Variants in DISC1 observed in about 807,000 individuals in gnomAD.
DISC1 encodes DISC1 scaffold protein.
Under a neutral mutation model 84.5 loss-of-function variants are expected in DISC1, and 57 were observed. The ratio of observed to expected loss-of-function variants is 0.67; its 90% confidence interval spans 0.55 to 0.84. The LOEUF (loss-of-function observed/expected upper bound fraction) is 0.84. Ranked by LOEUF, DISC1 falls within the 40% of genes least tolerant of loss-of-function variation. DISC1 has a pLI of 0.00. For missense variants in DISC1, 1,000 were observed against 1,057.8 expected (o/e 0.95, Z 0.76); for synonymous variants, 411 against 415.2 (o/e 0.99, Z 0.12).
intron 6 of DISC1, among the ~76,000 whole-genome samples, chr1:231,789,218 G>C (rs1250650035): frequency 6.6e-6 from 1 of 152,178 alleles, no homozygotes; most frequent in Non-Finnish European, 1.5e-5. Context: ...GCAGGTGGGA[G>C]GGGGTTGGCC....
intron 8 of DISC1, among the ~76,000 whole-genome samples, chr1:231,807,079 C>T (rs2079795430): frequency 6.6e-6 from 1 of 152,244 alleles, no homozygotes; most frequent in Non-Finnish European, 1.5e-5. Context: ...TGGGGGCCCT[C>T]AACCCTCCTC....
intron 9 of DISC1, among the ~76,000 whole-genome samples, chr1:231,918,155 G>A (rs180957765): frequency 6.7e-4 from 102 of 152,318 alleles, no homozygotes; most frequent in African/African-American, 2.4e-3. Flanking sequence ...AGGTTGTGCC[G>A]GCTCTTCGTC....
At position 231,722,800 on chromosome 1, in the gene DISC1, G is replaced by GA. The variant is rs1051869855; in HGVS notation, c.1117+20783dup. The GA allele has an allele frequency of 2.3e-5, 34 of 1,448,848 alleles. No homozygotes were observed. In the Admixed American group the frequency reaches 8.0e-4, roughly 34 times the overall value. 89.7% of individuals were successfully genotyped at this position (1,448,848 alleles called of 1,614,324 possible). ...CTGTCTGGATGCTGGCCATGGGCTT[G>GA]AAAAAAACCAGGTGGGCATTTCTGC... On this transcript the variant is annotated intron_variant, in intron 3 of 12. Coordinates refer to ENST00000439617, the MANE Select transcript of DISC1 (RefSeq NM_018662.3).
chr1:231,993,519 A>G (rs1665508270), intron 10 of DISC1, among the ~76,000 whole-genome samples: 1 of 152,184 alleles, frequency 6.6e-6, no homozygotes, highest in Non-Finnish European at 1.5e-5. Context: ...TTCTCAGTTT[A>G]TAATCTGTAA....
intron 9 of DISC1, among the ~76,000 whole-genome samples, chr1:231,908,361 A>G (rs2088894448): frequency 1.3e-5 from 2 of 152,206 alleles, no homozygotes; most frequent in African/African-American, 4.8e-5. Flanking sequence ...TATAAGGTGT[A>G]AGGAAAGGAT....
At chr1:231,910,275 A>C (rs1322659584) in intron 9 of DISC1, among the ~76,000 whole-genome samples, 1 of 152,116 alleles carries the variant, frequency 6.6e-6, no homozygotes, top group Non-Finnish European at 1.5e-5. Context: ...TTACGGTGTC[A>C]ATTTTAGAGC....
chr1:232,027,569 G>A lies in DISC1; in HGVS notation c.2425+1017G>A, dbSNP rs140819002. Among the ~76,000 whole-genome samples the A allele has an allele frequency of 1.9e-3, 291 of 152,194 alleles. 2 individuals carry two copies. Among genetic ancestry groups the A allele is most frequent in the African/African-American group, 6.6e-3 (272 of 41,524 alleles). On this transcript the variant is annotated intron_variant, in intron 12 of 12. Transcript: ENST00000439617. Reference sequence around the variant, plus strand: ...TGGTTAGTTCTGCTGAGAGCAAATGGGTGGGTACCCAGTGGATGAAGGGAT... The same window carrying A: ...TGGTTAGTTCTGCTGAGAGCAAATGAGTGGGTACCCAGTGGATGAAGGGAT...
At chr1:231,955,491 T>C (rs866866784) in intron 9 of DISC1, among the ~76,000 whole-genome samples, 1 of 151,204 alleles carries the variant, frequency 6.6e-6, no homozygotes, top group Non-Finnish European at 1.5e-5. Context: ...CTTGACTTTT[T>C]TTTTTTTTTT....
rs141482042 is a variant in DISC1 at position 231,861,289 on chromosome 1, A to ATTATTTATTTAT, written c.1981+42779_1981+42790dup. ...AAAAGCCTTTTCTGTCATTGTTTTT[A>ATTATTTATTTAT]TTATTTATTTATTTATTTTTATTAG... is the stretch of plus-strand genomic sequence containing the variant. On this transcript the variant is annotated intron_variant, in intron 9 of 12. Coordinates refer to ENST00000439617, the MANE Select transcript of DISC1 (RefSeq NM_018662.3). Among the ~76,000 whole-genome samples the ATTATTTATTTAT allele has an allele frequency of 9.6e-3, 1,457 of 151,370 alleles. 26 individuals carry two copies. The highest frequency in any genetic ancestry group is 0.034 in the African/African-American group (1,384 of 41,080).
At chr1:231,839,975 C>T (rs941342760) in intron 9 of DISC1, among the ~76,000 whole-genome samples, 7 of 152,316 alleles carry the variant, frequency 4.6e-5, no homozygotes, top group African/African-American at 1.7e-4. Context: ...CCACCTCCAA[C>T]ATTGAGGAAT....
Position 231,826,278 on chromosome 1 carries a change from A to G in DISC1, c.1981+7761A>G, listed in dbSNP as rs1294354522. Among the ~76,000 whole-genome samples the G allele has an allele frequency of 6.6e-6, 1 of 152,272 alleles. No individual in the cohort carries two copies. The highest frequency in any genetic ancestry group is 2.4e-5 in the African/African-American group (1 of 41,570). On this transcript the variant is annotated intron_variant, in intron 9 of 12. Coordinates refer to ENST00000439617, the MANE Select transcript of DISC1 (RefSeq NM_018662.3). This position sits in a 1 kb window ranked among gnomAD's most constrained non-coding sequence, Gnocchi z 4.2. ...GCCATTTTACCTTTGACGTTGCTTT[A>G]TGTTCTTTATGAATTTGATTCCTAA...
intron 8 of DISC1, among the ~76,000 whole-genome samples, chr1:231,815,845 A>G (rs1009933215): frequency 6.6e-6 from 1 of 151,982 alleles, no homozygotes; most frequent in Admixed American, 6.6e-5. Context: ...TAGCTATAGT[A>G]TTATTTTTGC....
chr1:231,873,380 G>A (rs1244197544), intron 9 of DISC1, among the ~76,000 whole-genome samples: 1 of 152,224 alleles, frequency 6.6e-6, no homozygotes, highest in Non-Finnish European at 1.5e-5. Context: ...CAGCCTGATA[G>A]CAGTCAAAAG....
intron 3 of DISC1, among the ~76,000 whole-genome samples, chr1:231,745,734 C>T (rs1343419003): frequency 6.6e-6 from 1 of 152,194 alleles, no homozygotes; most frequent in Non-Finnish European, 1.5e-5. Context: ...TATCCTCTAT[C>T]CTACCTCTTA....
At chr1:231,764,073 T>C (rs182709146) in intron 4 of DISC1, among the ~76,000 whole-genome samples, 174 of 152,298 alleles carry the variant, frequency 1.1e-3, no homozygotes, top group African/African-American at 4.1e-3. Flanking sequence ...CTGAAATAAG[T>C]ACAAAGGTGG....
At chr1:231,917,670 C>T (rs913560138) in intron 9 of DISC1, among the ~76,000 whole-genome samples, 5 of 152,096 alleles carry the variant, frequency 3.3e-5, no homozygotes, top group African/African-American at 9.7e-5. Context: ...AGGAAGCCAG[C>T]GATGGGGCAG....
chr1:231,874,028 G>T (rs4385692), intron 9 of DISC1, among the ~76,000 whole-genome samples: 1 of 149,132 alleles, frequency 6.7e-6, no homozygotes. Flanking sequence ...TTTTATTTTT[G>T]GTAGAGATGG....
intron 9 of DISC1, among the ~76,000 whole-genome samples, chr1:231,870,181 C>T (rs1342001293): frequency 6.6e-6 from 1 of 152,068 alleles, no homozygotes; most frequent in Non-Finnish European, 1.5e-5. Context: ...AGGGGAAGCT[C>T]CTGATATGGG....
rs143872666 is a variant in DISC1 at position 231,674,317 on chromosome 1, C to A, written c.68-19509C>A. On this transcript the variant is annotated intron_variant, in intron 1 of 12. Transcript: ENST00000439617. The stretch of plus-strand genomic sequence containing the variant: ...ATCTGTTATATGTGCCATTTTGAAG[C>A]TTTGTAATTTTGGGAGGAAGAGTAA... 2.6e-3 allele frequency among the ~76,000 whole-genome samples: 389 copies of A among 151,796 alleles called. 3 individuals carry two copies. The highest frequency in any genetic ancestry group is 9.0e-3 in the African/African-American group (371 of 41,384).
Sources: allele counts gnomAD v4.1 joint callset (sites outside exome capture counted in the v4.1 genomes callset), GRCh38; gene constraint gnomAD v4.1.1; non-coding constraint Gnocchi (gnomAD v3.1); transcripts MANE v1.5; gene names NCBI Gene and HGNC (gene_info 2026-07-23, HGNC 2026-07-21).